SORCS2: variants seen among roughly 807,000 people sequenced by gnomAD.
SORCS2 encodes the protein VPS10 domain-containing receptor SorCS2.
Under a neutral mutation model 141.6 loss-of-function variants are expected in SORCS2, and 100 were observed. That is an observed-to-expected ratio of 0.71 (90% CI 0.60 to 0.83). The LOEUF (loss-of-function observed/expected upper bound fraction) is 0.83, where lower values mean the gene tolerates loss of function less well. Ranked by LOEUF, SORCS2 falls within the 40% of genes least tolerant of loss-of-function variation. SORCS2 has a pLI of 0.00. For missense variants in SORCS2, 1,646 were observed against 1,560.2 expected (o/e 1.05, Z -0.93); for synonymous variants, 789 against 676.9 (o/e 1.17, Z -2.57).
At chr4:7,484,764 ACCTCCTGCACCCAGC>A (rs1426971265) in intron 2 of SORCS2, among the ~76,000 whole-genome samples, 60 of 151,414 alleles carry the variant, frequency 4.0e-4, no homozygotes, top group African/African-American at 1.2e-3. Flanking sequence ...AACACACACC[ACCTCCTGCACCCAGC>A]CCTCCTGCAC....
rs555804827 is a variant in SORCS2 at position 7,649,866 on chromosome 4, C to T, written c.814-4268C>T. Among the ~76,000 whole-genome samples the T allele has an allele frequency of 3.3e-5, 5 of 152,236 alleles. No individual in the cohort carries two copies. The South Asian group carries it at 1.0e-3, about 32-fold the overall frequency. Reference sequence around the variant, plus strand: ...GACATCCATGATGTCGTTGGTTCGTCATAAGGTGGTGCCCGTGACAAGGAC... The same window carrying T: ...GACATCCATGATGTCGTTGGTTCGTTATAAGGTGGTGCCCGTGACAAGGAC... On this transcript the variant is annotated intron_variant, in intron 4 of 26. Coordinates refer to ENST00000507866, the MANE Select transcript of SORCS2 (RefSeq NM_020777.3).
rs553032912 is a variant in SORCS2 at position 7,663,125 on chromosome 4, G to A, written c.953-1228G>A. On this transcript the variant is annotated intron_variant, in intron 6 of 26. Transcript: ENST00000507866. This position sits in a 1 kb window ranked among gnomAD's most constrained non-coding sequence, Gnocchi z 4.8. Reference sequence around the variant, plus strand: ...AAGTGAATGAGAGAATGAGTGAGTGGGTGAATAAGTGAGTGAGTAATTGAA... The same window carrying A: ...AAGTGAATGAGAGAATGAGTGAGTGAGTGAATAAGTGAGTGAGTAATTGAA... Among the ~76,000 whole-genome samples the A allele has an allele frequency of 6.6e-6, 1 of 151,556 alleles. No individual in the cohort carries two copies. Among genetic ancestry groups the A allele is most frequent in the South Asian group, 2.1e-4 (1 of 4,788 alleles).
intron 2 of SORCS2, among the ~76,000 whole-genome samples, chr4:7,458,494 A>C (rs757322558): frequency 2.0e-5 from 3 of 152,168 alleles, no homozygotes; most frequent in Non-Finnish European, 4.4e-5. Flanking sequence ...TCCCCAAACC[A>C]AGCAGCCTGA....
At chr4:7,502,516 G>A (rs2109433463) in intron 2 of SORCS2, among the ~76,000 whole-genome samples, 1 of 152,346 alleles carries the variant, frequency 6.6e-6, no homozygotes, top group African/African-American at 2.4e-5. Context: ...TAGGAGCTGT[G>A]TGGACATGGC....
At chr4:7,287,272 C>T (rs562085304) in intron 1 of SORCS2, among the ~76,000 whole-genome samples, 12 of 152,334 alleles carry the variant, frequency 7.9e-5, no homozygotes, top group Admixed American at 1.3e-4. Context: ...CAAGGCGAGA[C>T]CCTGGGAAAG....
rs1727469364 is a variant in SORCS2, at chr4:7,201,249, G to A, written c.480+8123G>A. On this transcript the variant is annotated intron_variant, in intron 1 of 26. Transcript: ENST00000507866. This position sits in a 1 kb window ranked among gnomAD's most constrained non-coding sequence, Gnocchi z 4.4. ...GGCCTAGGGGCTGGAGCAGCCTGGA[G>A]CGCTCATGGGCACAGGAGAGACTCG... Among the ~76,000 whole-genome samples the A allele has an allele frequency of 6.6e-6, 1 of 152,236 alleles. No homozygotes were observed. The highest frequency in any genetic ancestry group is 2.4e-5 in the African/African-American group (1 of 41,468).
chr4:7,621,738 C>T (rs1560433045), intron 3 of SORCS2, among the ~76,000 whole-genome samples: 1 of 152,204 alleles, frequency 6.6e-6, no homozygotes, highest in Non-Finnish European at 1.5e-5. Context: ...GACAGGTTGC[C>T]GGGGTGTGGC....
At chr4:7,699,119 A>C (rs1019268955) in intron 12 of SORCS2, among the ~76,000 whole-genome samples, 5 of 152,182 alleles carry the variant, frequency 3.3e-5, no homozygotes, top group Admixed American at 2.6e-4. Context: ...GCCAGAAAAC[A>C]TTACAGAGCC....
At chr4:7,649,480 A>T (rs375800255) in intron 4 of SORCS2, among the ~76,000 whole-genome samples, 1 of 152,050 alleles carries the variant, frequency 6.6e-6, no homozygotes. Context: ...GGCTGAGAGC[A>T]GGGGTCCACG....
At chr4:7,457,706 G>A (rs552920345) in intron 2 of SORCS2, among the ~76,000 whole-genome samples, 3 of 151,342 alleles carry the variant, frequency 2.0e-5, no homozygotes, top group East Asian at 3.9e-4. Flanking sequence ...GCTGACAGGT[G>A]TGAGCTGTGG....
In SORCS2 at chr4:7,729,631, G is replaced by A. The variant is rs772636271; in HGVS notation, c.3027G>A (p.Pro1009=). Residue 1009 remains proline, a synonymous_variant, in exon 23 of 27, where the codon CCG becomes CCA. Coordinates refer to ENST00000507866, the MANE Select transcript of SORCS2 (RefSeq NM_020777.3). ...AGCTTCTGGTGACTGTGGTGAAGCC[G>A]GGGCTGCCCACTTTGGCCGATCTGT... The part of the protein sequence containing the change: ...PQELLVTVVK[P]GLPTLADLYV... 133 of 1,597,246 alleles carry A rather than the reference G, an allele frequency of 8.3e-5. No homozygotes were observed. Among genetic ancestry groups the A allele is most frequent in the Non-Finnish European group, 1.0e-4 (119 of 1,172,138 alleles).
At chr4:7,408,375 C>T (rs1242508004) in intron 2 of SORCS2, among the ~76,000 whole-genome samples, 1 of 143,360 alleles carries the variant, frequency 7.0e-6, no homozygotes, top group Non-Finnish European at 1.5e-5. Flanking sequence ...CTATAGTATT[C>T]TTGGATGACA....
intron 9 of SORCS2, among the ~76,000 whole-genome samples, chr4:7,678,549 C>T (rs1723312429): frequency 6.8e-6 from 1 of 146,136 alleles, no homozygotes; most frequent in African/African-American, 2.6e-5. Flanking sequence ...GGCGGTTGGC[C>T]GGCCTGGGGC....
In SORCS2 at chr4:7,215,948, C is replaced by T. The variant is rs896544905; in HGVS notation, c.480+22822C>T. ...AGATAAGAGAATAAAAGCAGGCTGCCGGAGCCAGCAGTGGCAACCCGCTCG... is the reference window on the plus strand; with the variant it reads ...AGATAAGAGAATAAAAGCAGGCTGCTGGAGCCAGCAGTGGCAACCCGCTCG... On this transcript the variant is annotated intron_variant, in intron 1 of 26. Coordinates refer to ENST00000507866, the MANE Select transcript of SORCS2 (RefSeq NM_020777.3). 4.0e-5 allele frequency among the ~76,000 whole-genome samples: 6 copies of T among 151,240 alleles called. 1 individual carries two copies. Among genetic ancestry groups the T allele is most frequent in the Admixed American group, 1.3e-4 (2 of 15,144 alleles).
chr4:7,261,254 C>T (rs1714298479), intron 1 of SORCS2, among the ~76,000 whole-genome samples: 1 of 152,180 alleles, frequency 6.6e-6, no homozygotes. Flanking sequence ...GCCAGAGGGG[C>T]TGGTGATTCT....
At chr4:7,476,647 A>G (rs36110997) in intron 2 of SORCS2, among the ~76,000 whole-genome samples, 19,168 of 152,084 alleles carry the variant, frequency 0.13, 1,581 homozygotes, top group South Asian at 0.25. Context: ...GAGGAACAGC[A>G]CTGGGCCAGC....
chr4:7,281,625 C>T (rs1420153462), intron 1 of SORCS2, among the ~76,000 whole-genome samples: 1 of 152,148 alleles, frequency 6.6e-6, no homozygotes. Context: ...CTTGCAAACC[C>T]GGTGAAACTG....
At chr4:7,315,167 C>T (rs1027043208) in intron 1 of SORCS2, among the ~76,000 whole-genome samples, 10 of 152,160 alleles carry the variant, frequency 6.6e-5, no homozygotes, top group African/African-American at 2.4e-4. Flanking sequence ...CTCCCCTCCA[C>T]TGTGGAGAGC....
At chr4:7,299,194 T>TCCG (rs1717272266) in intron 1 of SORCS2, among the ~76,000 whole-genome samples, 1 of 152,110 alleles carries the variant, frequency 6.6e-6, no homozygotes, top group African/African-American at 2.4e-5. Context: ...GGGCTGGGGG[T>TCCG]GGGCCCCCTG....
Sources: gnomAD v4.1 joint callset for allele counts (sites outside exome capture counted in the v4.1 genomes callset) on GRCh38, gnomAD v4.1.1 for gene constraint, Gnocchi (gnomAD v3.1) non-coding constraint, MANE v1.5 for transcripts, NCBI Gene and HGNC (gene_info 2026-07-23, HGNC 2026-07-21) for gene names.